Variants in SNX29 observed in about 807,000 individuals in gnomAD.
SNX29 encodes sorting nexin-29.
Under a neutral mutation model 102.1 loss-of-function variants are expected in SNX29, and 78 were observed. The observed-to-expected ratio is 0.76, with a 90% confidence interval of 0.64 to 0.92. The LOEUF (loss-of-function observed/expected upper bound fraction) is 0.92. Among genes scored for constraint, SNX29 ranks in the 40% least tolerant of loss-of-function variants. The probability of loss-of-function intolerance (pLI) is 0.00; values close to 1 mark genes in which losing one functional copy is unlikely to be tolerated. For synonymous variants in SNX29, 580 were observed against 414.5 expected (o/e 1.40, Z -4.85); for missense variants, 1,280 against 1,061.7 (o/e 1.21, Z -2.86).
chr16:12,398,648 C>T lies in SNX29; in HGVS notation c.1955+147C>T, dbSNP rs973787971. 3 of 836,608 alleles carry T rather than the reference C, an allele frequency of 3.6e-6. No homozygotes were observed. The African/African-American group carries it at 5.1e-5, about 14-fold the overall frequency. 51.8% of individuals were successfully genotyped at this position (836,608 alleles called of 1,614,324 possible). A position where few individuals can be genotyped will look rare whatever the true frequency, so the allele number is the denominator to read the frequency against. ...TGGTTCTTGTAGAGCTGGTAGGAGT[C>T]GCTCTCCTACAGCCTCAGTCTCGCC... On this transcript the variant is annotated intron_variant, in intron 17 of 20. Coordinates refer to ENST00000566228, the MANE Select transcript of SNX29 (RefSeq NM_032167.5).
rs777713663 is a variant in SNX29 at position 12,568,470 on chromosome 16, C to T, written c.2319-36C>T. 171 of 1,605,668 alleles carry T rather than the reference C, an allele frequency of 1.1e-4. 2 individuals are homozygous for T. In the South Asian group the frequency reaches 1.8e-3, roughly 17 times the overall value. On this transcript the variant is annotated intron_variant, in intron 20 of 20. Transcript: ENST00000566228. ...GGCCTGTGGTCATTTGCTTTTCATC[C>T]CCAGACTTAACCCGATTCTCTCCCT... is the stretch of plus-strand genomic sequence containing the variant.
intron 16 of SNX29, among the ~76,000 whole-genome samples, chr16:12,364,346 A>G (rs568214703): frequency 1.3e-5 from 2 of 151,734 alleles, no homozygotes; most frequent in South Asian, 4.2e-4. Context: ...TGGCCTGTGT[A>G]TCCTTTTAAG....
At chr16:12,473,940 C>T (rs2087474092) in intron 18 of SNX29, among the ~76,000 whole-genome samples, 1 of 152,314 alleles carries the variant, frequency 6.6e-6, no homozygotes, top group South Asian at 2.1e-4. Context: ...CGGGGCTGCT[C>T]TGTCTATGGA....
intron 19 of SNX29, among the ~76,000 whole-genome samples, chr16:12,496,813 A>G (rs11639922): frequency 0.4 from 61,093 of 151,928 alleles, 12,618 homozygotes; most frequent in South Asian, 0.55. Flanking sequence ...CGGGGAAGAC[A>G]TTTTGGAGCA....
intron 20 of SNX29, among the ~76,000 whole-genome samples, chr16:12,542,402 C>G (rs774682376): frequency 1.3e-5 from 2 of 152,232 alleles, no homozygotes; most frequent in African/African-American, 2.4e-5. Context: ...GTGGCACAGT[C>G]TCCCCTCACT....
intron 20 of SNX29, among the ~76,000 whole-genome samples, chr16:12,537,935 A>G (rs536197498): frequency 6.6e-5 from 10 of 151,012 alleles, no homozygotes; most frequent in African/African-American, 2.4e-4. Flanking sequence ...CAGTGAGCTG[A>G]GATCGTGCCA....
intron 18 of SNX29, among the ~76,000 whole-genome samples, chr16:12,425,260 G>C (rs749948025): frequency 6.6e-6 from 1 of 152,174 alleles, no homozygotes. Flanking sequence ...CAGAAAGCTG[G>C]ATCACCCCGC....
intron 11 of SNX29, among the ~76,000 whole-genome samples, chr16:12,118,336 T>A (rs868544971): frequency 8.3e-5 from 12 of 145,350 alleles, no homozygotes; most frequent in East Asian, 2.1e-4. Context: ...TTTTTTTTTT[T>A]ATGAGATGGA....
chr16:12,139,033 C>G (rs896620702), intron 13 of SNX29, among the ~76,000 whole-genome samples: 2 of 151,808 alleles, frequency 1.3e-5, no homozygotes, highest in African/African-American at 4.8e-5. Flanking sequence ...GAAACCTTGT[C>G]TCTACCAAAA....
rs1466489075 is a variant in SNX29, at chr16:12,523,771, C to G, written c.2179-931C>G. Among the ~76,000 whole-genome samples the G allele has an allele frequency of 2.6e-5, 4 of 152,208 alleles. No individual in the cohort carries two copies. In the East Asian group the frequency reaches 7.7e-4, roughly 29 times the overall value. Reference sequence around the variant, plus strand: ...TTCTGGATCACAGAGCCCCTGATCACTGAGTGGTGGAAACTGCTCAGACCT... The same window carrying G: ...TTCTGGATCACAGAGCCCCTGATCAGTGAGTGGTGGAAACTGCTCAGACCT... On this transcript the variant is annotated intron_variant, in intron 19 of 20. Coordinates refer to ENST00000566228, the MANE Select transcript of SNX29 (RefSeq NM_032167.5).
chr16:12,205,112 G>A (rs191477103), intron 14 of SNX29, among the ~76,000 whole-genome samples: 13 of 152,316 alleles, frequency 8.5e-5, no homozygotes, highest in Admixed American at 2.0e-4. Context: ...ATGGAGAGTC[G>A]TGGGCTAAAT....
chr16:12,102,251 G>A (rs945427506), intron 11 of SNX29, among the ~76,000 whole-genome samples: 1 of 152,158 alleles, frequency 6.6e-6, no homozygotes, highest in African/African-American at 2.4e-5. Context: ...CTTTATAGTA[G>A]CATGATTTAT....
chr16:12,544,861 G>C (rs1400171062), intron 20 of SNX29, among the ~76,000 whole-genome samples: 1 of 152,228 alleles, frequency 6.6e-6, no homozygotes, highest in Non-Finnish European at 1.5e-5. Context: ...CATGCAGCCA[G>C]TGTCAACACA....
chr16:12,570,755 G>A lies in SNX29; in HGVS notation c.*2126G>A, dbSNP rs138597718. 2.0e-3 allele frequency: 449 copies of A among 226,076 alleles called. No individual in the cohort carries two copies. Among genetic ancestry groups the A allele is most frequent in the African/African-American group, 9.6e-3 (407 of 42,524 alleles). The allele number at this position is 226,076 out of a possible 1,614,324, so 14.0% of individuals were successfully genotyped here. ...CAGATACCCCACGAGGAAGCACCTT[G>A]GACATTCTGCACATGATAATAATGC... On this transcript the variant is annotated 3_prime_UTR_variant, in exon 21 of 21. Transcript: ENST00000566228.
intron 19 of SNX29, among the ~76,000 whole-genome samples, chr16:12,479,589 T>C (rs551367267): frequency 2.4e-4 from 37 of 152,336 alleles, no homozygotes; most frequent in African/African-American, 8.9e-4. Flanking sequence ...AGAAACTCTA[T>C]ACTTGTTCAT....
intron 11 of SNX29, among the ~76,000 whole-genome samples, chr16:12,124,876 A>G (rs2054136895): frequency 6.6e-6 from 1 of 152,214 alleles, no homozygotes; most frequent in Non-Finnish European, 1.5e-5. Flanking sequence ...TTTCAGCGGT[A>G]GGAGAGGGGA....
intron 20 of SNX29, among the ~76,000 whole-genome samples, chr16:12,538,343 G>C (rs1029214582): frequency 1.3e-5 from 2 of 152,036 alleles, no homozygotes; most frequent in East Asian, 1.9e-4. Flanking sequence ...GATGGTCTCG[G>C]TCTTCCAAAG....
intron 20 of SNX29, among the ~76,000 whole-genome samples, chr16:12,536,676 G>C (rs1046565029): frequency 6.6e-6 from 1 of 152,176 alleles, no homozygotes; most frequent in Non-Finnish European, 1.5e-5. Flanking sequence ...GGAAGAGCTG[G>C]TATTAAGAGG....
chr16:12,428,485 A>G (rs1037661581), intron 18 of SNX29, among the ~76,000 whole-genome samples: 8 of 152,260 alleles, frequency 5.3e-5, no homozygotes, highest in Admixed American at 2.6e-4. Flanking sequence ...AGTTAGAAAG[A>G]AGGAAAACAA....
Sources: gnomAD v4.1 joint callset for allele counts (sites outside exome capture counted in the v4.1 genomes callset) on GRCh38, gnomAD v4.1.1 for gene constraint, MANE v1.5 for transcripts, NCBI Gene and HGNC (gene_info 2026-07-23, HGNC 2026-07-21) for gene names.